Variants in GRM7 observed in about 807,000 individuals in gnomAD.
The protein encoded by GRM7 is glutamate metabotropic receptor 7, also known as metabotropic glutamate receptor 7.
In GRM7, 35 loss-of-function variants were observed where a neutral mutation model predicts 84.5. That is an observed-to-expected ratio of 0.41 (90% CI 0.32 to 0.55). The LOEUF (loss-of-function observed/expected upper bound fraction) is 0.55. Among genes scored for constraint, GRM7 ranks in the 20% least tolerant of loss-of-function variants. GRM7 has a pLI of 0.19. For missense variants in GRM7, 1,003 were observed against 1,194.6 expected, an observed-to-expected ratio of 0.84 and a Z score of 2.36; for synonymous variants, 487 against 455.1, an observed-to-expected ratio of 1.07 and a Z score of -0.89.
Position 7,578,490 on chromosome 3 carries a change from G to A in GRM7, c.1584G>A (p.Lys528=), listed in dbSNP as rs1695069901. 6.2e-7 allele frequency: 1 copy of A among 1,613,964 alleles called. No individual in the cohort carries two copies. Among genetic ancestry groups the A allele is most frequent in the East Asian group, 2.2e-5 (1 of 44,866 alleles). The change falls in exon 8 of 10, where the codon AAG becomes AAA. Residue 528 remains lysine (K), a synonymous_variant. Transcript: ENST00000357716. ...IPASVCTLPC[K]PGQRKKTQKG... ...CCTCAGTGTGCACACTACCATGTAA[G>A]CCAGGACAGAGAAAGAAGACACAGA...
chr3:7,330,479 A>G (rs1243552333), intron 4 of GRM7, among the ~76,000 whole-genome samples: 5 of 152,114 alleles, frequency 3.3e-5, no homozygotes, highest in Admixed American at 2.0e-4. Context: ...GTTCCCACCC[A>G]AATCTTATCT....
intron 2 of GRM7, among the ~76,000 whole-genome samples, chr3:7,155,633 TA>T (rs1395103390): frequency 6.6e-5 from 10 of 152,164 alleles, no homozygotes; most frequent in Non-Finnish European, 1.0e-4. Context: ...CTGATATGTG[TA>T]AATGCAGCCT....
intron 4 of GRM7, among the ~76,000 whole-genome samples, chr3:7,347,083 G>A (rs887599474): frequency 6.6e-6 from 1 of 152,152 alleles, no homozygotes; most frequent in African/African-American, 2.4e-5. Context: ...GGAACTTTTA[G>A]TGTGTTAAGC....
Position 7,083,661 on chromosome 3 carries a change from C to G in GRM7, c.520-62791C>G, listed in dbSNP as rs553968737. On this transcript the variant is annotated intron_variant, in intron 1 of 9. Transcript: ENST00000357716. ...CAGCTACTTTGTGTGAGATCCTGTT[C>G]CAGGTGCTGAGAATCTAGTGATGAT... Among the ~76,000 whole-genome samples the G allele has an allele frequency of 9.2e-5, 14 of 152,240 alleles. No individual in the cohort carries two copies. In the South Asian group the frequency reaches 2.9e-3, roughly 32 times the overall value.
At chr3:7,691,636 G>T (rs137913995) in intron 9 of GRM7, among the ~76,000 whole-genome samples, 127 of 152,138 alleles carry the variant, frequency 8.3e-4, no homozygotes, top group Non-Finnish European at 1.6e-3. Context: ...GTTGGTCTCT[G>T]CTCATCTGGT....
intron 1 of GRM7, among the ~76,000 whole-genome samples, chr3:7,140,251 A>C (rs1017892915): frequency 2.6e-5 from 4 of 152,198 alleles, no homozygotes; most frequent in South Asian, 2.1e-4. Flanking sequence ...AGAAGTTATA[A>C]GACTAAAGGT....
intron 4 of GRM7, among the ~76,000 whole-genome samples, chr3:7,411,685 A>AT (rs897594396): frequency 2.3e-4 from 35 of 151,944 alleles, no homozygotes; most frequent in African/African-American, 7.7e-4. Context: ...TGTGAACAGC[A>AT]TTTTTTTCTG....
At chr3:6,874,581 A>T (rs1274869114) in intron 1 of GRM7, among the ~76,000 whole-genome samples, 2 of 152,212 alleles carry the variant, frequency 1.3e-5, no homozygotes, top group African/African-American at 2.4e-5. Context: ...ACTGATAAAG[A>T]CACTGAGGTG....
At chr3:7,567,495 C>A (rs1694340244) in intron 7 of GRM7, among the ~76,000 whole-genome samples, 1 of 152,142 alleles carries the variant, frequency 6.6e-6, no homozygotes, top group Non-Finnish European at 1.5e-5. Flanking sequence ...TGCCTGTAAT[C>A]CTAGCACTTT....
At chr3:7,091,396 T>G (rs1451794354) in intron 1 of GRM7, among the ~76,000 whole-genome samples, 2 of 152,226 alleles carry the variant, frequency 1.3e-5, no homozygotes, top group African/African-American at 4.8e-5. Context: ...TATAAGATGT[T>G]TATTGTTTCC....
In GRM7 at chr3:7,298,941, A is replaced by G. The variant is rs555116324; in HGVS notation, c.878+116A>G. 14 of 935,868 alleles carry G rather than the reference A, an allele frequency of 1.5e-5. No individual in the cohort carries two copies. The East Asian group carries it at 3.3e-4, about 22-fold the overall frequency. 58.0% of individuals were successfully genotyped at this position (935,868 alleles called of 1,614,324 possible). ...CATAAGATCAAAGCTGTAATCATACAGCGGCGAAGTCTGTGCTTGCCTCTA... is the reference window on the plus strand; with the variant it reads ...CATAAGATCAAAGCTGTAATCATACGGCGGCGAAGTCTGTGCTTGCCTCTA... On this transcript the variant is annotated intron_variant, in intron 3 of 9. Coordinates refer to ENST00000357716, the MANE Select transcript of GRM7 (RefSeq NM_000844.4).
intron 1 of GRM7, among the ~76,000 whole-genome samples, chr3:7,091,925 T>C (rs1382607696): frequency 6.6e-6 from 1 of 151,548 alleles, no homozygotes; most frequent in Non-Finnish European, 1.5e-5. Flanking sequence ...AATCACATGG[T>C]ATAACTTTGC....
chr3:7,436,526 A>C (rs1697063000), intron 5 of GRM7, among the ~76,000 whole-genome samples: 1 of 152,080 alleles, frequency 6.6e-6, no homozygotes, highest in African/African-American at 2.4e-5. Flanking sequence ...TGCAGCCTTC[A>C]TTTTTTCATT....
At chr3:7,686,243 T>C in intron 9 of GRM7, 3 of 561,862 alleles carry the variant, frequency 5.3e-6, no homozygotes, top group South Asian at 5.5e-5. Context: ...AGAGTGGGCA[T>C]GATGTGTATG....
At chr3:6,897,376 A>G (rs1393430523) in intron 1 of GRM7, among the ~76,000 whole-genome samples, 2 of 152,156 alleles carry the variant, frequency 1.3e-5, no homozygotes, top group African/African-American at 4.8e-5. Flanking sequence ...TGTTTTAACA[A>G]ATGCTCCAGG....
intron 1 of GRM7, among the ~76,000 whole-genome samples, chr3:7,058,619 T>G (rs533158584): frequency 6.6e-6 from 1 of 151,952 alleles, no homozygotes; most frequent in Non-Finnish European, 1.5e-5. Flanking sequence ...CATAAATAAA[T>G]AGCACTTGAA....
At chr3:6,998,138 A>AAAAAAAAAAAAAAAAAAC (rs1559375375) in intron 1 of GRM7, among the ~76,000 whole-genome samples, 4 of 148,448 alleles carry the variant, frequency 2.7e-5, no homozygotes, top group Non-Finnish European at 6.0e-5. Flanking sequence ...AAAAAAAAAA[A>AAAAAAAAAAAAAAAAAAC]AGCAGGTTAG....
chr3:7,308,106 C>A (rs192470505), intron 4 of GRM7, among the ~76,000 whole-genome samples: 1 of 152,310 alleles, frequency 6.6e-6, no homozygotes, highest in African/African-American at 2.4e-5. Context: ...ATAATTCATT[C>A]TGCAGCACTG....
chr3:7,407,233 C>T (rs1166285496), intron 4 of GRM7, among the ~76,000 whole-genome samples: 3 of 152,146 alleles, frequency 2.0e-5, no homozygotes, highest in Admixed American at 6.5e-5. Flanking sequence ...ATTTATCACC[C>T]GTTCCACGCC....
Sources: gnomAD v4.1 joint callset for allele counts (sites outside exome capture counted in the v4.1 genomes callset) on GRCh38, gnomAD v4.1.1 for gene constraint, MANE v1.5 for transcripts, NCBI Gene and HGNC (gene_info 2026-07-23, HGNC 2026-07-21) for gene names.